The following VDAC1 variants were observed in gnomAD, a reference collection of about 807,000 sequenced individuals.
VDAC1 encodes voltage dependent anion channel 1.
In VDAC1, 10 loss-of-function variants were observed where a neutral mutation model predicts 34.7. The observed-to-expected ratio is 0.29, with a 90% CI of 0.18 to 0.49. The LOEUF (loss-of-function observed/expected upper bound fraction) is 0.49, where lower values mean the gene tolerates loss of function less well. VDAC1 is among the 20% of genes least tolerant of loss of function. VDAC1 has a pLI of 0.99. For synonymous variants in VDAC1, 130 were observed against 136.0 expected, an observed-to-expected ratio of 0.96 and a Z score of 0.30; for missense variants, 230 against 347.9, an observed-to-expected ratio of 0.66 and a Z score of 2.69.
At chr5:134,067,636 AAGG>A in the VDAC1 span, among the ~76,000 whole-genome samples, 2 of 131,932 alleles carry the variant, frequency 1.5e-5, no homozygotes, top group Non-Finnish European at 3.2e-5. Context: ...GGAGGAGGAG[AAGG>A]AGAAGGGGAG....
At chr5:134,067,425 T>C in the VDAC1 span, among the ~76,000 whole-genome samples, 2 of 98,880 alleles carry the variant, frequency 2.0e-5, no homozygotes, top group Non-Finnish European at 4.0e-5. Context: ...AAGTTACATA[T>C]TCTAAAAAAA....
the VDAC1 span, among the ~76,000 whole-genome samples, chr5:134,033,821 T>C: frequency 6.6e-6 from 1 of 151,616 alleles, no homozygotes; most frequent in African/African-American, 2.4e-5. Context: ...TGAAACCCCG[T>C]CTCTACTAAA....
chr5:134,055,596 T>TTG, the VDAC1 span, among the ~76,000 whole-genome samples: 1 of 41,946 alleles, frequency 2.4e-5, no homozygotes, highest in African/African-American at 6.3e-5. Context: ...ATGTTTTTTT[T>TTG]TTTTTTTTTT....
At chr5:134,075,262 C>T in the VDAC1 span, among the ~76,000 whole-genome samples, 3 of 152,186 alleles carry the variant, frequency 2.0e-5, no homozygotes, top group African/African-American at 7.2e-5. Flanking sequence ...ACTATTCATA[C>T]GATTCACACT....
the VDAC1 span, among the ~76,000 whole-genome samples, chr5:134,097,428 A>C: frequency 6.6e-6 from 1 of 152,210 alleles, no homozygotes; most frequent in Non-Finnish European, 1.5e-5. Flanking sequence ...AGGGAAAAAA[A>C]GGTTTTTAAA....
chr5:134,001,715 TAAAAAA>T (rs10717143), intron 1 of VDAC1, among the ~76,000 whole-genome samples: 1 of 110,450 alleles, frequency 9.1e-6, no homozygotes, highest in African/African-American at 3.6e-5. Flanking sequence ...AGACTCCATC[TAAAAAA>T]AAAAAAAAAA....
chr5:134,055,018 CATTG>C, the VDAC1 span, among the ~76,000 whole-genome samples: 2 of 152,216 alleles, frequency 1.3e-5, no homozygotes, highest in African/African-American at 4.8e-5. Context: ...GATCACCAGA[CATTG>C]ATTGAGTCCC....
chr5:134,032,398 T>C, the VDAC1 span, among the ~76,000 whole-genome samples: 2 of 152,120 alleles, frequency 1.3e-5, no homozygotes, highest in African/African-American at 2.4e-5. Flanking sequence ...GAAACCAATA[T>C]ATTACCTAAC....
chr5:134,083,833 C>T, the VDAC1 span, among the ~76,000 whole-genome samples: 2 of 152,212 alleles, frequency 1.3e-5, no homozygotes, highest in Admixed American at 6.5e-5. Context: ...TGGGAATGCT[C>T]CAGTGAGGGA....
chr5:134,027,692 C>T, the VDAC1 span, among the ~76,000 whole-genome samples: 8 of 151,674 alleles, frequency 5.3e-5, no homozygotes, highest in Admixed American at 4.6e-4. Flanking sequence ...TACCCGTGAT[C>T]TTCTCCCTGC....
the VDAC1 span, among the ~76,000 whole-genome samples, chr5:134,045,752 T>G: frequency 1.3e-5 from 2 of 152,192 alleles, no homozygotes; most frequent in African/African-American, 4.8e-5. Flanking sequence ...CCTGGCTCAC[T>G]GCAACCTCTG....
the VDAC1 span, among the ~76,000 whole-genome samples, chr5:134,013,857 A>C: frequency 1.3e-5 from 2 of 152,112 alleles, no homozygotes; most frequent in Admixed American, 6.5e-5. Context: ...CAGGAGAATC[A>C]CTTGAATCCG....
the VDAC1 span, among the ~76,000 whole-genome samples, chr5:134,058,418 A>T: frequency 6.6e-6 from 1 of 151,436 alleles, no homozygotes; most frequent in South Asian, 2.1e-4. Flanking sequence ...AGTTCACGCC[A>T]TTCTTCTGCC....
chr5:134,075,007 C>T, the VDAC1 span, among the ~76,000 whole-genome samples: 2 of 152,172 alleles, frequency 1.3e-5, no homozygotes, highest in African/African-American at 4.8e-5. Flanking sequence ...CTCGTCCAGC[C>T]ATTTGGACTC....
chr5:134,025,189 AT>A, the VDAC1 span, among the ~76,000 whole-genome samples: 1 of 152,242 alleles, frequency 6.6e-6, no homozygotes, highest in Non-Finnish European at 1.5e-5. Flanking sequence ...TGCTTCTGGC[AT>A]GGCCCTCAGG....
chr5:134,044,164 C>T, the VDAC1 span, among the ~76,000 whole-genome samples: 5 of 152,154 alleles, frequency 3.3e-5, no homozygotes, highest in South Asian at 2.1e-4. Flanking sequence ...CCCTCATTTC[C>T]GTATAGCTGT....
chr5:134,067,872 C>G, the VDAC1 span, among the ~76,000 whole-genome samples: 1 of 152,184 alleles, frequency 6.6e-6, no homozygotes, highest in East Asian at 1.9e-4. Context: ...AATCCCAGCA[C>G]TTTGGGAGGC....
upstream of VDAC1, among the ~76,000 whole-genome samples, chr5:134,007,137 G>A (rs1030934404): frequency 2.6e-5 from 4 of 151,982 alleles, no homozygotes; most frequent in Non-Finnish European, 4.4e-5. Flanking sequence ...CCAGCTACTC[G>A]TGAAGCTAAG....
chr5:134,017,866 T>C, the VDAC1 span, among the ~76,000 whole-genome samples: 13 of 152,152 alleles, frequency 8.5e-5, no homozygotes, highest in African/African-American at 2.9e-4. Context: ...TGAGCCGAGA[T>C]TGTGCCACTG....
Sources: gnomAD v4.1 joint callset for allele counts (sites outside exome capture counted in the v4.1 genomes callset) on GRCh38, gnomAD v4.1.1 for gene constraint, MANE v1.5 for transcripts, NCBI Gene and HGNC (gene_info 2026-07-23, HGNC 2026-07-21) for gene names.